DRP2: variants seen among roughly 807,000 people sequenced by gnomAD.
The protein encoded by DRP2 is dystrophin-related protein 2.
A neutral mutation model predicts 78.2 loss-of-function variants in DRP2; 29 were observed. The observed-to-expected ratio is 0.37, with a 90% CI of 0.28 to 0.51. The LOEUF is 0.51. DRP2 is among the 20% of genes least tolerant of loss of function. DRP2 has a pLI of 0.94. For synonymous variants in DRP2, 290 were observed against 281.9 expected (o/e 1.03, Z -0.29); for missense variants, 686 against 770.6 (o/e 0.89, Z 1.30).
intron 4 of DRP2, among the ~76,000 whole-genome samples, chrX:101,236,263 G>T (rs750424985): frequency 2.7e-5 from 3 of 111,995 alleles, no homozygotes; most frequent in Non-Finnish European, 5.6e-5. Flanking sequence ...CGAAATGTTA[G>T]CTTCCATTTG....
At position 101,248,178 on chromosome X, in the gene DRP2, A is replaced by T. The variant is rs780454300; in HGVS notation, c.1342A>T (p.Ile448Phe). 2 of 1,209,865 alleles carry T rather than the reference A, an allele frequency of 1.7e-6. No individual in the cohort carries two copies. The highest frequency in any genetic ancestry group is 2.2e-6 in the Non-Finnish European group (2 of 894,983). Residue 448 changes from isoleucine (I) to phenylalanine (F), a missense_variant, in exon 13 of 24, where the codon ATT becomes TTT. Physicochemically the swap from Ile to Phe is conservative, Grantham distance 21. This residue lies in a region of DRP2 where 423 missense variants were observed against 531.5 expected (regional missense o/e 0.80). Transcript: ENST00000395209. ...GCACGTGATGGATGTGGTAGAGGTC[A>T]TTCACTGCCTGACTGCCTTATATGA... Reference protein sequence around the residue: ...SEHVMDVVEVIHCLTALYERL... With the variant: ...SEHVMDVVEVFHCLTALYERL...
Position 101,253,001 on chromosome X carries a change from A to AAAAC in DRP2, c.1977+302_1977+305dup, listed in dbSNP as rs749405668. ...AGTCTCAGGAAAAACAAAACAAAGC[A>AAAAC]AAACAAACAAACAAACAAACTAAAA... On this transcript the variant is annotated intron_variant, in intron 17 of 23. Transcript: ENST00000395209. Among the ~76,000 whole-genome samples the AAAAC allele has an allele frequency of 1.1e-3, 120 of 112,019 alleles. 1 individual carries two copies. Among genetic ancestry groups the AAAAC allele is most frequent in the African/African-American group, 2.0e-3 (63 of 30,802 alleles).
intron 16 of DRP2, among the ~76,000 whole-genome samples, chrX:101,252,047 C>G (rs1890006116): frequency 8.9e-6 from 1 of 112,295 alleles, no homozygotes; most frequent in Admixed American, 9.4e-5. Context: ...TAAGTCTAGG[C>G]ATTTCACTGT....
Position 101,260,127 on chromosome X carries a change from C to A in DRP2, c.2707C>A (p.Pro903Thr), listed in dbSNP as rs747222266. The change falls in exon 23 of 24, where the codon CCC (proline) becomes ACC (threonine). Residue 903 changes from proline (P) to threonine (T), a missense_variant. Pro to Thr is a conservative substitution (Grantham distance 38). This residue lies in a region of DRP2 where 423 missense variants were observed against 531.5 expected (regional missense o/e 0.80). Transcript: ENST00000395209. ...TCCACAGCAGTCAGAAGGCAGTCAC[C>A]CCCGGGAGAAGGGACAGACTACTCC... is the stretch of plus-strand genomic sequence containing the variant. ...SSPQQSEGSH[P>T]REKGQTTPDT... 8.3e-7 allele frequency: 1 copy of A among 1,209,290 alleles called. No individual in the cohort carries two copies. The highest frequency in any genetic ancestry group is 1.8e-5 in the African/African-American group (1 of 56,896).
intron 11 of DRP2, among the ~76,000 whole-genome samples, chrX:101,246,846 T>C (rs1922950117): frequency 8.9e-6 from 1 of 112,144 alleles, no homozygotes; most frequent in Non-Finnish European, 1.9e-5. Flanking sequence ...CTCTGGGATA[T>C]ATAGCTGGCT....
chrX:101,232,745 C>T (rs942349738), intron 3 of DRP2, among the ~76,000 whole-genome samples: 6 of 112,230 alleles, frequency 5.3e-5, no homozygotes, highest in Non-Finnish European at 1.1e-4. Context: ...TCAACATAGA[C>T]TCCCCCATTA....
In DRP2 at chrX:101,250,585, G is replaced by A; in HGVS notation, c.1698+5G>A. On this transcript the variant is annotated splice_donor_5th_base_variant and intron_variant, in intron 15 of 23. Coordinates refer to ENST00000395209, the MANE Select transcript of DRP2 (RefSeq NM_001939.3). ...GTCCGTAGTTGCTTCCGTTTTGTGA[G>A]TATGGAACTGGGGAGTGGGGGAGGG... is the stretch of plus-strand genomic sequence containing the variant. 8.4e-7 allele frequency: 1 copy of A among 1,187,105 alleles called. No individual in the cohort carries two copies. Among genetic ancestry groups the A allele is most frequent in the East Asian group, 3.0e-5 (1 of 33,489 alleles).
rs781585522 is a variant in DRP2, at chrX:101,222,540, G to C, written c.-166-2064G>C. Among the ~76,000 whole-genome samples, 4 of 111,814 alleles carry C rather than the reference G, an allele frequency of 3.6e-5. No individual in the cohort carries two copies. The South Asian group carries it at 1.5e-3, about 42-fold the overall frequency. ...GCTTCTCTAGCAGGTCCCCTCCTGT[G>C]AAACTAGTTCCAGGAAAATGAAGCA... On this transcript the variant is annotated intron_variant, in intron 1 of 23. Coordinates refer to ENST00000395209, the MANE Select transcript of DRP2 (RefSeq NM_001939.3).
chrX:101,242,784 G>A lies in DRP2; in HGVS notation c.976-120G>A, dbSNP rs999960380. 5.6e-5 allele frequency: 40 copies of A among 712,366 alleles called. No homozygotes were observed. In the African/African-American group the frequency reaches 8.0e-4, roughly 14 times the overall value. The allele number at this position is 712,366 out of a possible 1,213,427, so 58.7% of individuals were successfully genotyped here. ...CTAGGAGTTGGGTGACGGTGGGAGA[G>A]GCTGGAACCAGAGAAAAGCCAGTCC... On this transcript the variant is annotated intron_variant, in intron 8 of 23. Coordinates refer to ENST00000395209, the MANE Select transcript of DRP2 (RefSeq NM_001939.3).
rs759361709 is a variant in DRP2 at position 101,237,504 on chromosome X, C to A, written c.282-115C>A. On this transcript the variant is annotated intron_variant, in intron 4 of 23. Coordinates refer to ENST00000395209, the MANE Select transcript of DRP2 (RefSeq NM_001939.3). ...CCTCCTCCCACTTGAACCAGAAAAG[C>A]TCCTCCTGAATTTGTTTTCTATATT... 1.9e-4 allele frequency: 157 copies of A among 822,897 alleles called. 1 individual carries two copies. In the African/African-American group the frequency reaches 2.7e-3, roughly 14 times the overall value. 67.8% of individuals were successfully genotyped at this position (822,897 alleles called of 1,213,427 possible). A position where few individuals can be genotyped will look rare whatever the true frequency, so the allele number is the denominator to read the frequency against.
At chrX:101,254,706 C>T (rs1602934130) in intron 18 of DRP2, 145 bp downstream of exon 18, 1 of 1,044,486 alleles carries the variant, frequency 9.6e-7, no homozygotes, top group Non-Finnish European at 1.3e-6. Flanking sequence ...TGGGCCTGAC[C>T]TGCACTCTGG....
intron 6 of DRP2, among the ~76,000 whole-genome samples, chrX:101,241,069 G>A (rs1043971243): frequency 8.9e-6 from 1 of 112,155 alleles, no homozygotes; most frequent in Non-Finnish European, 1.9e-5. Flanking sequence ...TATGAATAGG[G>A]CTCTAGATGA....
intron 22 of DRP2, 145 bp downstream of exon 22, chrX:101,258,691 C>G: frequency 4.3e-6 from 2 of 466,147 alleles, no homozygotes; most frequent in Non-Finnish European, 7.0e-6. Context: ...ACTGGGCCTG[C>G]GGTTGGTGGG....
At chrX:101,257,265 T>C (rs759475401) in intron 21 of DRP2, among the ~76,000 whole-genome samples, 10 of 108,224 alleles carry the variant, frequency 9.2e-5, no homozygotes, top group Non-Finnish European at 9.6e-5. Flanking sequence ...CAGGTCTGGG[T>C]GGGGCCTGAG....
intron 17 of DRP2, among the ~76,000 whole-genome samples, chrX:101,253,490 G>C (rs1923209045): frequency 1.6e-5 from 1 of 64,116 alleles, no homozygotes; most frequent in Non-Finnish European, 2.9e-5. Context: ...CCCCTATTCT[G>C]TCTATTTTTC....
intron 2 of DRP2, among the ~76,000 whole-genome samples, chrX:101,230,758 AT>A (rs771530761): frequency 9.1e-6 from 1 of 109,882 alleles, no homozygotes; most frequent in Non-Finnish European, 1.9e-5. Context: ...TCATGTTTGT[AT>A]TTTTTTTAAC....
At chrX:101,259,984 C>T in intron 22 of DRP2, 65 bp from the exon 23 acceptor site, 2 of 1,192,672 alleles carry the variant, frequency 1.7e-6, no homozygotes, top group Non-Finnish European at 2.3e-6. Context: ...CTTCTAAGCT[C>T]AGGAGTCTGT....
In DRP2 at chrX:101,222,059, T is replaced by G. The variant is rs1470396100; in HGVS notation, c.-167+1913T>G. On this transcript the variant is annotated intron_variant, in intron 1 of 23. Transcript: ENST00000395209. ...TCTGTTTTAAAATAAGTGTTGGGGG[T>G]GTGTGTGTGTGTGCATGCATGTGTG... Among the ~76,000 whole-genome samples the G allele has an allele frequency of 4.5e-5, 5 of 110,204 alleles. No individual in the cohort carries two copies. The South Asian group carries it at 1.5e-3, about 34-fold the overall frequency.
chrX:101,226,906 G>T (rs1922140515), intron 2 of DRP2, among the ~76,000 whole-genome samples: 1 of 111,786 alleles, frequency 8.9e-6, no homozygotes, highest in East Asian at 2.8e-4. Context: ...TATAAGAAAA[G>T]GAATTTATTT....
Sources: allele counts gnomAD v4.1 joint callset (sites outside exome capture counted in the v4.1 genomes callset), GRCh38; gene constraint gnomAD v4.1.1; regional missense constraint gnomAD v4.1.1; transcripts MANE v1.5; gene names NCBI Gene and HGNC (gene_info 2026-07-23, HGNC 2026-07-21).